Variants in KLHL2 observed in about 807,000 individuals in gnomAD.
KLHL2 encodes kelch-like protein 2.
KLHL2 carries 15 observed loss-of-function variants against 75.8 expected under a neutral mutation model. That is an observed-to-expected ratio of 0.20 (90% confidence interval 0.13 to 0.30). The LOEUF (loss-of-function observed/expected upper bound fraction) is 0.30. KLHL2 is among the 10% of genes least tolerant of loss of function. The pLI, the probability that KLHL2 is intolerant of heterozygous loss-of-function variation, is 1.00. For missense variants in KLHL2, 381 were observed against 741.0 expected, an observed-to-expected ratio of 0.51 and a Z score of 5.64; for synonymous variants, 214 against 251.9, an observed-to-expected ratio of 0.85 and a Z score of 1.42.
In KLHL2 at chr4:165,263,299, C is replaced by T. The variant is rs748993542; in HGVS notation, c.484C>T (p.Arg162Trp). 1.9e-5 allele frequency: 30 copies of T among 1,613,862 alleles called. No homozygotes were observed. Among genetic ancestry groups the T allele is most frequent in the Admixed American group, 5.0e-5 (3 of 59,942 alleles). Residue 162 changes from arginine (R) to tryptophan (W), a missense_variant, in exon 5 of 15, where the codon CGG becomes TGG. By Grantham distance (101) the Arg-to-Trp change is moderately radical (BLOSUM62 -3). This residue lies in a region of KLHL2 where 51 missense variants were observed against 101.3 expected (regional missense o/e 0.50). Transcript: ENST00000226725. ...QLHPVNCLGIRAFADMHACTD... is the reference protein window; with the variant it reads ...QLHPVNCLGIWAFADMHACTD... ...TCACCCTGTCAACTGCTTAGGAATCCGGGCTTTTGCTGATATGCATGCATG... is the reference window on the plus strand; with the variant it reads ...TCACCCTGTCAACTGCTTAGGAATCTGGGCTTTTGCTGATATGCATGCATG...
chr4:165,256,141 T>C lies in KLHL2; in HGVS notation c.382-7056T>C, dbSNP rs547469842. Among the ~76,000 whole-genome samples the C allele has an allele frequency of 3.8e-3, 579 of 152,166 alleles. 1 individual carries two copies. Among genetic ancestry groups the C allele is most frequent in the South Asian group, 0.021 (100 of 4,818 alleles). The stretch of plus-strand genomic sequence containing the variant: ...AGCTGGTGTGAGAGTGTCACACAGA[T>C]GCTAATTGTTTGGCTTGGGTGTCTT... On this transcript the variant is annotated intron_variant, in intron 4 of 14. Transcript: ENST00000226725.
chr4:165,290,187 G>A (rs11722307), intron 5 of KLHL2, among the ~76,000 whole-genome samples: 11,586 of 151,704 alleles, frequency 0.076, 905 homozygotes, highest in African/African-American at 0.2. Flanking sequence ...CACTCTGTCA[G>A]GCAGGAGTAT....
At chr4:165,318,005 A>C (rs1746706585) in intron 14 of KLHL2, 36 bp downstream of exon 14, 1 of 1,595,656 alleles carries the variant, frequency 6.3e-7, no homozygotes, top group African/African-American at 1.3e-5. Context: ...TCCGTACAAA[A>C]AGATGACCTC....
intron 5 of KLHL2, among the ~76,000 whole-genome samples, chr4:165,291,921 C>T (rs915742351): frequency 6.6e-6 from 1 of 152,096 alleles, no homozygotes; most frequent in Non-Finnish European, 1.5e-5. Flanking sequence ...CCTCAAACTC[C>T]TCTGCTTAGG....
At chr4:165,227,432 G>A (rs188880698) in intron 2 of KLHL2, among the ~76,000 whole-genome samples, 2 of 152,302 alleles carry the variant, frequency 1.3e-5, no homozygotes. Flanking sequence ...TGGACAGGTG[G>A]AAAACTTCAA....
Position 165,224,925 on chromosome 4 carries a change from A to G in KLHL2, c.153-3882A>G, listed in dbSNP as rs567065498. Among the ~76,000 whole-genome samples the G allele has an allele frequency of 3.3e-5, 5 of 152,288 alleles. No individual in the cohort carries two copies. The South Asian group carries it at 1.0e-3, about 32-fold the overall frequency. ...TTGACTACAGTCACCCTATTGTGAG[A>G]CATATTTTACTTTTAAGAAGATAGA... is the stretch of plus-strand genomic sequence containing the variant. On this transcript the variant is annotated intron_variant, in intron 2 of 14. Coordinates refer to ENST00000226725, the MANE Select transcript of KLHL2 (RefSeq NM_007246.4).
intron 1 of KLHL2, among the ~76,000 whole-genome samples, chr4:165,210,545 G>C (rs1205829791): frequency 1.3e-5 from 2 of 152,130 alleles, no homozygotes; most frequent in African/African-American, 2.4e-5. Context: ...GTGGCATTTA[G>C]ATTCTGTTGC....
chr4:165,301,230 A>G (rs534604498), intron 8 of KLHL2, among the ~76,000 whole-genome samples: 7 of 152,330 alleles, frequency 4.6e-5, no homozygotes, highest in African/African-American at 1.7e-4. Context: ...CAAATTTGGC[A>G]TGACTTTTTA....
At chr4:165,315,029 T>A (rs1746488224) in intron 13 of KLHL2, among the ~76,000 whole-genome samples, 1 of 152,068 alleles carries the variant, frequency 6.6e-6, no homozygotes, top group Non-Finnish European at 1.5e-5. Flanking sequence ...AGACCAGAAT[T>A]TATAGTTAAT....
At chr4:165,238,668 C>T (rs188109917) in intron 3 of KLHL2, 110 bp from the exon 4 acceptor site, 110 of 1,549,622 alleles carry the variant, frequency 7.1e-5, no homozygotes, top group Non-Finnish European at 9.3e-5. Flanking sequence ...GCTGATTATG[C>T]TGCCTGTTGA....
At chr4:165,238,325 C>T (rs1194407932) in intron 3 of KLHL2, among the ~76,000 whole-genome samples, 1 of 152,082 alleles carries the variant, frequency 6.6e-6, no homozygotes, top group Non-Finnish European at 1.5e-5. Context: ...CTATGCATGC[C>T]CCGGCAGGCA....
intron 5 of KLHL2, among the ~76,000 whole-genome samples, chr4:165,293,531 CTCTG>C (rs1484986876): frequency 6.7e-6 from 1 of 148,744 alleles, no homozygotes; most frequent in Admixed American, 6.7e-5. Flanking sequence ...CGGAGTCTTG[CTCTG>C]TCTGTCATCC....
chr4:165,271,873 G>A (rs1033703793), intron 5 of KLHL2, among the ~76,000 whole-genome samples: 5 of 152,148 alleles, frequency 3.3e-5, no homozygotes, highest in Non-Finnish European at 7.4e-5. Flanking sequence ...AAATGCAGGA[G>A]CCTTTTGTCT....
intron 4 of KLHL2, among the ~76,000 whole-genome samples, chr4:165,246,335 A>G (rs1740258434): frequency 6.6e-6 from 1 of 152,094 alleles, no homozygotes; most frequent in Admixed American, 6.6e-5. Context: ...GGGTTTGTAG[A>G]CTATGATAAG....
intron 5 of KLHL2, chr4:165,279,214 TGGAAG>T (rs1743436326): frequency 6.5e-7 from 1 of 1,531,398 alleles, no homozygotes; most frequent in South Asian, 1.1e-5. Context: ...AAGTGCTAAG[TGGAAG>T]GCCTGTCTTG....
chr4:165,214,872 T>G (rs368921131), intron 1 of KLHL2, among the ~76,000 whole-genome samples: 4 of 151,744 alleles, frequency 2.6e-5, no homozygotes, highest in Admixed American at 6.6e-5. Flanking sequence ...AGGCATTCTG[T>G]GACTTGATGC....
intron 14 of KLHL2, 81 bp from the exon 15 acceptor site, chr4:165,321,951 A>G (rs1747015237): frequency 8.2e-7 from 1 of 1,215,230 alleles, no homozygotes; most frequent in African/African-American, 1.5e-5. Flanking sequence ...CCTTCGTATT[A>G]TAATGAAGAA....
intron 8 of KLHL2, among the ~76,000 whole-genome samples, chr4:165,304,988 A>G (rs1745617152): frequency 6.6e-6 from 1 of 152,046 alleles, no homozygotes; most frequent in Non-Finnish European, 1.5e-5. Context: ...ACTTTTATGT[A>G]TTTGTTCATT....
At chr4:165,252,820 A>G (rs1230309363) in intron 4 of KLHL2, among the ~76,000 whole-genome samples, 1 of 152,146 alleles carries the variant, frequency 6.6e-6, no homozygotes, top group African/African-American at 2.4e-5. Context: ...TTTCTATTTG[A>G]AAATTTATTT....
Sources: allele counts gnomAD v4.1 joint callset (sites outside exome capture counted in the v4.1 genomes callset), GRCh38; gene constraint gnomAD v4.1.1; regional missense constraint gnomAD v4.1.1; transcripts MANE v1.5; gene names NCBI Gene and HGNC (gene_info 2026-07-23, HGNC 2026-07-21).